Variants in GAS2 observed in about 807,000 individuals in gnomAD.
The protein encoded by GAS2 is growth arrest specific 2.
A neutral mutation model predicts 37.5 loss-of-function variants in GAS2; 20 were observed. That is an observed-to-expected ratio of 0.53 (90% confidence interval 0.37 to 0.77). The LOEUF is 0.77. Among genes scored for constraint, GAS2 ranks in the 30% least tolerant of loss-of-function variants. The pLI is 0.00. For synonymous variants in GAS2, 144 were observed against 132.2 expected (o/e 1.09, Z -0.61); for missense variants, 336 against 373.4 (o/e 0.90, Z 0.82).
intron 3 of GAS2, among the ~76,000 whole-genome samples, chr11:22,718,774 T>G (rs1398893922): frequency 1.3e-5 from 2 of 152,094 alleles, no homozygotes; most frequent in African/African-American, 4.8e-5. Context: ...AATTTTAAAG[T>G]GTAGAACTAG....
In GAS2 at chr11:22,673,417, T is replaced by C. The variant is rs75670153; in HGVS notation, c.-20-1433T>C. Among the ~76,000 whole-genome samples the C allele has an allele frequency of 9.3e-3, 1,417 of 152,340 alleles. 21 individuals are homozygous for C. Among genetic ancestry groups the C allele is most frequent in the African/African-American group, 0.033 (1,354 of 41,562 alleles). On this transcript the variant is annotated intron_variant, in intron 1 of 7. Coordinates refer to ENST00000454584, the MANE Select transcript of GAS2 (RefSeq NM_001143830.3). ...TGCAATATCACTGAAAACCTCATGA[T>C]ATCATATAAACATTACCTCTTGCCT...
At chr11:22,714,200 A>G (rs1590694236) in intron 3 of GAS2, among the ~76,000 whole-genome samples, 2 of 152,148 alleles carry the variant, frequency 1.3e-5, no homozygotes, top group Admixed American at 1.3e-4. Context: ...TGCAAATGGA[A>G]ACCAAAAGTG....
chr11:22,690,468 C>T (rs1377267499), intron 3 of GAS2, among the ~76,000 whole-genome samples: 1 of 152,086 alleles, frequency 6.6e-6, no homozygotes, highest in East Asian at 1.9e-4. Flanking sequence ...TCTAACTCTG[C>T]ATGGGAGCAA....
intron 3 of GAS2, among the ~76,000 whole-genome samples, chr11:22,725,029 G>T (rs558811858): frequency 1.6e-4 from 25 of 152,010 alleles, no homozygotes; most frequent in African/African-American, 6.0e-4. Context: ...AAATCACAAA[G>T]TGCTTCTCCC....
upstream of GAS2, among the ~76,000 whole-genome samples, chr11:22,662,760 C>A (rs1445372275): frequency 6.6e-6 from 1 of 152,056 alleles, no homozygotes; most frequent in East Asian, 1.9e-4. Context: ...TGGCTCATGC[C>A]TCTAACCCAG....
chr11:22,758,609 T>C (rs1854180921), intron 7 of GAS2, among the ~76,000 whole-genome samples: 1 of 152,082 alleles, frequency 6.6e-6, no homozygotes, highest in African/African-American at 2.4e-5. Flanking sequence ...CAGTAAGAAT[T>C]GTTCCTTAGG....
At chr11:22,793,126 T>G (rs955560809) in intron 7 of GAS2, among the ~76,000 whole-genome samples, 1 of 151,868 alleles carries the variant, frequency 6.6e-6, no homozygotes, top group African/African-American at 2.4e-5. Flanking sequence ...ATATAAAAGT[T>G]AGTCAGGTGT....
intron 1 of GAS2, among the ~76,000 whole-genome samples, chr11:22,673,394 C>G (rs7930884): frequency 0.61 from 93,506 of 152,102 alleles, 30,257 homozygotes; most frequent in East Asian, 0.83. Context: ...ATAAATACTG[C>G]AATATCACTG....
chr11:22,676,088 C>T (rs1436973892), intron 2 of GAS2, among the ~76,000 whole-genome samples: 1 of 152,042 alleles, frequency 6.6e-6, no homozygotes, highest in Admixed American at 6.6e-5. Context: ...ATTTTGGCAA[C>T]TCTGTAGTCT....
chr11:22,795,399 G>T (rs2134604152), intron 7 of GAS2, among the ~76,000 whole-genome samples: 1 of 152,246 alleles, frequency 6.6e-6, no homozygotes, highest in South Asian at 2.1e-4. Context: ...AACAGGGTAA[G>T]GCAGATTGGG....
intron 3 of GAS2, among the ~76,000 whole-genome samples, chr11:22,690,215 C>A (rs952650556): frequency 6.6e-6 from 1 of 151,958 alleles, no homozygotes; most frequent in African/African-American, 2.4e-5. Flanking sequence ...GCTCTTAAAT[C>A]TTTAATAAAT....
intron 2 of GAS2, among the ~76,000 whole-genome samples, chr11:22,676,300 A>G (rs576581243): frequency 1.3e-3 from 197 of 152,290 alleles, no homozygotes; most frequent in African/African-American, 4.6e-3. Flanking sequence ...ATTTAAGCCT[A>G]AACAGATGGA....
At chr11:22,811,385 A>G (rs1417217052) in intron 7 of GAS2, among the ~76,000 whole-genome samples, 1 of 152,158 alleles carries the variant, frequency 6.6e-6, no homozygotes, top group Non-Finnish European at 1.5e-5. Context: ...TCAGTAGCAG[A>G]CATTTCCATG....
At chr11:22,771,306 A>G (rs558779783) in intron 7 of GAS2, among the ~76,000 whole-genome samples, 9 of 152,284 alleles carry the variant, frequency 5.9e-5, no homozygotes, top group Non-Finnish European at 7.4e-5. Context: ...TAGCTTCTGT[A>G]TGCAATATCA....
At chr11:22,681,772 A>C (rs186527633) in intron 2 of GAS2, among the ~76,000 whole-genome samples, 266 of 152,258 alleles carry the variant, frequency 1.7e-3, no homozygotes, top group African/African-American at 6.1e-3. Context: ...AAGTGTAATT[A>C]TTTCTACACA....
intron 2 of GAS2, among the ~76,000 whole-genome samples, chr11:22,682,741 G>C (rs1417259669): frequency 6.6e-6 from 1 of 151,688 alleles, no homozygotes; most frequent in Non-Finnish European, 1.5e-5. Flanking sequence ...AGGTGGGCAT[G>C]GTAGTGCATG....
chr11:22,686,170 G>T, intron 3 of GAS2, among the ~76,000 whole-genome samples: 1 of 152,086 alleles, frequency 6.6e-6, no homozygotes, highest in Non-Finnish European at 1.5e-5. Context: ...TATTATGGCA[G>T]AATACTAGAA....
intron 3 of GAS2, among the ~76,000 whole-genome samples, chr11:22,720,029 A>G (rs72986101): frequency 6.6e-6 from 1 of 152,162 alleles, no homozygotes; most frequent in Non-Finnish European, 1.5e-5. Flanking sequence ...ATTAGTTTAT[A>G]TTACTCCAGA....
intron 3 of GAS2, among the ~76,000 whole-genome samples, chr11:22,703,033 T>C (rs1479671620): frequency 2.6e-5 from 4 of 152,084 alleles, no homozygotes. Flanking sequence ...TGAAAATAAA[T>C]ATGTTAAATT....
Sources: allele counts gnomAD v4.1 joint callset (sites outside exome capture counted in the v4.1 genomes callset), GRCh38; gene constraint gnomAD v4.1.1; transcripts MANE v1.5; gene names NCBI Gene and HGNC (gene_info 2026-07-23, HGNC 2026-07-21).